The following KCNH8 variants were observed in gnomAD, a reference collection of about 807,000 sequenced individuals.
KCNH8 encodes the protein voltage-gated delayed rectifier potassium channel KCNH8.
A neutral mutation model predicts 103.6 loss-of-function variants in KCNH8; 70 were observed. The ratio of observed to expected loss-of-function variants is 0.68; its 90% CI spans 0.56 to 0.82. The LOEUF (loss-of-function observed/expected upper bound fraction) is 0.82, where lower values mean the gene tolerates loss of function less well. KCNH8 is among the 40% of genes least tolerant of loss of function. KCNH8 has a pLI of 0.00. For synonymous variants in KCNH8, 498 were observed against 489.4 expected (o/e 1.02, Z -0.23); for missense variants, 1,217 against 1,329.9 (o/e 0.92, Z 1.32).
intron 7 of KCNH8, among the ~76,000 whole-genome samples, chr3:19,407,452 C>T (rs114967212): frequency 1.3e-5 from 2 of 152,124 alleles, no homozygotes; most frequent in African/African-American, 4.8e-5. Context: ...TCCACACCTA[C>T]GCAGATCTCC....
In KCNH8 at chr3:19,454,368, T is replaced by G. The variant is rs144043929; in HGVS notation, c.1826-2400T>G. On this transcript the variant is annotated intron_variant, in intron 10 of 15. Transcript: ENST00000328405. ...TAAAATATTTTTTATTGATTTTCCT[T>G]AGTACCACTAAACGTTTTATAGCCT... is the stretch of plus-strand genomic sequence containing the variant. Among the ~76,000 whole-genome samples, 537 of 152,244 alleles carry G rather than the reference T, an allele frequency of 3.5e-3. 5 individuals are homozygous for G. Among genetic ancestry groups the G allele is most frequent in the African/African-American group, 0.012 (511 of 41,562 alleles).
chr3:19,453,691 C>T (rs903221871), intron 10 of KCNH8, among the ~76,000 whole-genome samples: 2 of 152,106 alleles, frequency 1.3e-5, no homozygotes, highest in African/African-American at 4.8e-5. Context: ...AGTAGAGGCT[C>T]AAGAGAGCTA....
At chr3:19,267,413 A>G (rs888151390) in intron 2 of KCNH8, among the ~76,000 whole-genome samples, 3 of 152,172 alleles carry the variant, frequency 2.0e-5, no homozygotes, top group African/African-American at 4.8e-5. Context: ...AAGTAGTTCA[A>G]TGTTGGCCTT....
chr3:19,229,224 T>A (rs1413308810), intron 1 of KCNH8, among the ~76,000 whole-genome samples: 1 of 152,242 alleles, frequency 6.6e-6, no homozygotes, highest in Non-Finnish European at 1.5e-5. Flanking sequence ...ACAAAATAGT[T>A]GAAGATGCCC....
intron 8 of KCNH8, among the ~76,000 whole-genome samples, chr3:19,449,695 CTT>C (rs1222386424): frequency 6.6e-6 from 1 of 151,842 alleles, no homozygotes; most frequent in Non-Finnish European, 1.5e-5. Context: ...TAAACTATAA[CTT>C]TATAGCTTTT....
At chr3:19,322,531 C>T (rs2065363675) in intron 3 of KCNH8, among the ~76,000 whole-genome samples, 4 of 152,132 alleles carry the variant, frequency 2.6e-5, no homozygotes, top group African/African-American at 7.2e-5. Flanking sequence ...CCAATCCCTT[C>T]TTGTTTGTAA....
chr3:19,428,525 A>G (rs982444496), intron 7 of KCNH8, among the ~76,000 whole-genome samples: 4 of 152,210 alleles, frequency 2.6e-5, no homozygotes, highest in African/African-American at 4.8e-5. Flanking sequence ...CAGAAATCCC[A>G]TATTTAAAAA....
At chr3:19,171,068 G>A (rs1269954939) in intron 1 of KCNH8, among the ~76,000 whole-genome samples, 1 of 151,890 alleles carries the variant, frequency 6.6e-6, no homozygotes, top group Non-Finnish European at 1.5e-5. Context: ...CAAAAGTGCT[G>A]GGATTACAGG....
At chr3:19,437,216 T>C (rs569126095) in intron 7 of KCNH8, among the ~76,000 whole-genome samples, 3 of 151,844 alleles carry the variant, frequency 2.0e-5, no homozygotes, top group East Asian at 2.0e-4. Flanking sequence ...TTGAGCTGCA[T>C]TGTTATTGCT....
intron 14 of KCNH8, among the ~76,000 whole-genome samples, chr3:19,517,325 C>A (rs766077672): frequency 3.9e-5 from 6 of 151,960 alleles, no homozygotes; most frequent in Non-Finnish European, 7.4e-5. Flanking sequence ...ACTTTTCTTC[C>A]CCCACCAACA....
intron 1 of KCNH8, among the ~76,000 whole-genome samples, chr3:19,174,792 T>C: frequency 6.6e-6 from 1 of 152,298 alleles, no homozygotes; most frequent in South Asian, 2.1e-4. Flanking sequence ...AAGAAATATA[T>C]GCAATTTAAA....
At chr3:19,500,674 A>ATGAC (rs2068560234) in intron 11 of KCNH8, among the ~76,000 whole-genome samples, 1 of 152,076 alleles carries the variant, frequency 6.6e-6, no homozygotes, top group Admixed American at 6.5e-5. Flanking sequence ...CTGCTCCTCA[A>ATGAC]TGACTACTGG....
intron 2 of KCNH8, among the ~76,000 whole-genome samples, chr3:19,263,826 A>G (rs963450637): frequency 6.6e-6 from 1 of 152,092 alleles, no homozygotes; most frequent in Non-Finnish European, 1.5e-5. Context: ...AGTTTCCTAG[A>G]AACACATTTG....
chr3:19,510,603 A>G (rs1222691019), intron 12 of KCNH8, among the ~76,000 whole-genome samples: 1 of 152,206 alleles, frequency 6.6e-6, no homozygotes, highest in Non-Finnish European at 1.5e-5. Flanking sequence ...GGAGCATTTT[A>G]TAGTTATTGT....
chr3:19,470,510 A>T (rs1156767709), intron 11 of KCNH8, among the ~76,000 whole-genome samples: 1 of 152,186 alleles, frequency 6.6e-6, no homozygotes, highest in Non-Finnish European at 1.5e-5. Context: ...TTGATTCTAG[A>T]TTCTTGTGTA....
At chr3:19,373,347 T>C (rs200039420) in intron 5 of KCNH8, among the ~76,000 whole-genome samples, 3 of 152,170 alleles carry the variant, frequency 2.0e-5, no homozygotes, top group African/African-American at 4.8e-5. Flanking sequence ...TGGGAGAGTG[T>C]ATGTGTCAAG....
At chr3:19,234,601 C>G (rs747146152) in intron 1 of KCNH8, among the ~76,000 whole-genome samples, 89 of 148,218 alleles carry the variant, frequency 6.0e-4, no homozygotes, top group African/African-American at 1.8e-3. Context: ...TCCGCAGGCC[C>G]GGTTCCCGCC....
intron 3 of KCNH8, among the ~76,000 whole-genome samples, chr3:19,327,953 A>G (rs999101190): frequency 2.0e-5 from 3 of 152,204 alleles, no homozygotes; most frequent in African/African-American, 7.2e-5. Context: ...GTTTATGCCT[A>G]GTGATTAACT....
At chr3:19,189,045 T>C (rs1181579750) in intron 1 of KCNH8, among the ~76,000 whole-genome samples, 1 of 152,084 alleles carries the variant, frequency 6.6e-6, no homozygotes. Context: ...ATAAACTGCT[T>C]CTAAAACCCT....
Sources: gnomAD v4.1 joint callset for allele counts (sites outside exome capture counted in the v4.1 genomes callset) on GRCh38, gnomAD v4.1.1 for gene constraint, MANE v1.5 for transcripts, NCBI Gene and HGNC (gene_info 2026-07-23, HGNC 2026-07-21) for gene names.